Variants in CEP83 observed in about 807,000 individuals in gnomAD.
The protein encoded by CEP83 is centrosomal protein 83, also known as centrosomal protein of 83 kDa.
A neutral mutation model predicts 101.9 loss-of-function variants in CEP83; 70 were observed. The observed-to-expected ratio is 0.69, with a 90% CI of 0.57 to 0.84. The LOEUF is 0.84. CEP83 is among the 40% of genes least tolerant of loss of function. CEP83 has a pLI of 0.00. For synonymous variants in CEP83, 264 were observed against 267.9 expected (o/e 0.99, Z 0.14); for missense variants, 715 against 787.2 (o/e 0.91, Z 1.10).
At chr12:94,368,036 C>A in intron 10 of CEP83, 21 bp downstream of exon 10, 1 of 1,608,588 alleles carries the variant, frequency 6.2e-7, no homozygotes, top group Non-Finnish European at 8.5e-7. Context: ...TTAAGTCAAA[C>A]TAAGGTAATT....
intron 9 of CEP83, chr12:94,369,154 G>C (rs2061167462): frequency 6.6e-6 from 1 of 152,112 alleles, no homozygotes; most frequent in Non-Finnish European, 1.5e-5. Flanking sequence ...GATTAAACTG[G>C]AACTTAAAAA....
At chr12:94,422,273 C>CT (rs2064819052) in intron 2 of CEP83, among the ~76,000 whole-genome samples, 1 of 152,198 alleles carries the variant, frequency 6.6e-6, no homozygotes, top group African/African-American at 2.4e-5. Flanking sequence ...ATAAATGACC[C>CT]TGTCTCCTTT....
At chr12:94,430,166 C>T (rs1380839898) in intron 2 of CEP83, among the ~76,000 whole-genome samples, 1 of 152,072 alleles carries the variant, frequency 6.6e-6, no homozygotes, top group African/African-American at 2.4e-5. Flanking sequence ...AAGGACTCTT[C>T]CCAGGAACCT....
chr12:94,375,926 AATTT>A lies in CEP83; in HGVS notation c.889_892del (p.Lys297CysfsTer8), dbSNP rs1376612958. 1 of 1,525,274 alleles carries A rather than the reference AATTT, an allele frequency of 6.6e-7. No individual in the cohort carries two copies. The highest frequency in any genetic ancestry group is 1.8e-5 in the Admixed American group (1 of 55,214). The allele number at this position is 1,525,274 out of a possible 1,614,324, so 94.5% of individuals were successfully genotyped here. ...ATTTATTTCTCGTTCAGCTTTATGC[AATTT>A]ATTAATTAAAAAGGTATTTTGTTCA... On this transcript the variant is annotated frameshift_variant, in exon 8 of 17. Coordinates refer to ENST00000397809, the MANE Select transcript of CEP83 (RefSeq NM_016122.3). LOFTEE classifies it high-confidence loss of function.
In CEP83 at chr12:94,335,683, C is replaced by A. The variant is rs367944165; in HGVS notation, c.1344-19G>T. On this transcript the variant is annotated intron_variant, in intron 11 of 16. Transcript: ENST00000397809. ...TTTTAACCTAAAAATCACAACCCAA[C>A]AAAAGGCATTATTAAGAATCCATGA... 2.7e-6 allele frequency: 4 copies of A among 1,473,726 alleles called. No homozygotes were observed. The East Asian group carries it at 7.0e-5, about 26-fold the overall frequency. The allele number at this position is 1,473,726 out of a possible 1,614,324, so 91.3% of individuals were successfully genotyped here. A position where few individuals can be genotyped will look rare whatever the true frequency, so the allele number is the denominator to read the frequency against.
chr12:94,424,575 G>A, intron 2 of CEP83: 1 of 1,613,470 alleles, frequency 6.2e-7, no homozygotes, highest in Non-Finnish European at 8.5e-7. Flanking sequence ...GTGGGGTCCT[G>A]TTCCTGTTGC....
At chr12:94,280,001 T>G in the CEP83 span, 11 of 390,814 alleles carry the variant, frequency 2.8e-5, no homozygotes, top group Admixed American at 1.5e-4. Context: ...CTGCGTGTGT[T>G]GCATTTCACA....
downstream of CEP83, chr12:94,305,610 GT>G (rs1172964730): frequency 4.5e-6 from 1 of 224,346 alleles, no homozygotes; most frequent in East Asian, 1.0e-4. Flanking sequence ...GATATAAGTG[GT>G]TTTGTTTGAA....
chr12:94,457,613 G>A (rs764090801), intron 1 of CEP83, among the ~76,000 whole-genome samples: 1 of 152,072 alleles, frequency 6.6e-6, no homozygotes, highest in Non-Finnish European at 1.5e-5. Context: ...ATAGAAAAAA[G>A]GAGGAGAGAA....
At chr12:94,415,817 C>T (rs2064225209) in intron 2 of CEP83, among the ~76,000 whole-genome samples, 2 of 151,926 alleles carry the variant, frequency 1.3e-5, no homozygotes, top group African/African-American at 4.8e-5. Flanking sequence ...TCAGTAAGAA[C>T]ACAGATAATT....
intron 2 of CEP83, among the ~76,000 whole-genome samples, chr12:94,421,086 G>A (rs904612768): frequency 1.1e-4 from 17 of 151,880 alleles, no homozygotes; most frequent in Admixed American, 9.8e-4. Flanking sequence ...TGTCATCCAC[G>A]CTGGAGTGCA....
At chr12:94,313,302 T>C (rs1201123084) in intron 14 of CEP83, 1 of 218,294 alleles carries the variant, frequency 4.6e-6, no homozygotes, top group African/African-American at 2.3e-5. Flanking sequence ...AGGAGTCAAA[T>C]TTTACTACTG....
At chr12:94,424,483 G>C (rs1000431586) in intron 2 of CEP83, 6 of 1,613,864 alleles carry the variant, frequency 3.7e-6, no homozygotes, top group Non-Finnish European at 5.1e-6. Context: ...TACGGGTGGA[G>C]ATAACCTGGC....
chr12:94,443,094 C>G (rs1392123534), intron 1 of CEP83, among the ~76,000 whole-genome samples: 3 of 152,174 alleles, frequency 2.0e-5, no homozygotes, highest in Non-Finnish European at 4.4e-5. Flanking sequence ...TGACTCAAAT[C>G]TAAATTTCCC....
intron 1 of CEP83, among the ~76,000 whole-genome samples, chr12:94,458,423 A>T (rs906141931): frequency 6.6e-6 from 1 of 152,148 alleles, no homozygotes; most frequent in African/African-American, 2.4e-5. Flanking sequence ...CTCTCAGGAG[A>T]GTCCTGTGTG....
intron 11 of CEP83, among the ~76,000 whole-genome samples, chr12:94,346,231 T>C (rs1182747290): frequency 6.6e-6 from 1 of 152,084 alleles, no homozygotes; most frequent in Non-Finnish European, 1.5e-5. Flanking sequence ...TTTTGTATTT[T>C]TAGTAGAGAC....
chr12:94,384,259 T>C (rs2062009390), intron 6 of CEP83, among the ~76,000 whole-genome samples: 1 of 152,230 alleles, frequency 6.6e-6, no homozygotes, highest in South Asian at 2.1e-4. Flanking sequence ...CACTTGATAA[T>C]GTGCCACTTC....
At chr12:94,366,180 T>C (rs1190926654) in intron 11 of CEP83, among the ~76,000 whole-genome samples, 1 of 152,140 alleles carries the variant, frequency 6.6e-6, no homozygotes, top group East Asian at 1.9e-4. Flanking sequence ...TAGAACCATG[T>C]AGACATTCCA....
At chr12:94,446,294 T>C (rs900016336) in intron 1 of CEP83, among the ~76,000 whole-genome samples, 2 of 152,262 alleles carry the variant, frequency 1.3e-5, no homozygotes, top group Admixed American at 6.5e-5. Flanking sequence ...AGTTTGATGA[T>C]GTTTTTTGAC....
Sources: allele counts gnomAD v4.1 joint callset (sites outside exome capture counted in the v4.1 genomes callset), GRCh38; gene constraint gnomAD v4.1.1; transcripts MANE v1.5; gene names NCBI Gene and HGNC (gene_info 2026-07-23, HGNC 2026-07-21).